Variants in GULP1 observed in about 807,000 individuals in gnomAD.
GULP1 encodes the protein PTB domain-containing engulfment adapter protein 1.
In GULP1, 19 loss-of-function variants were observed where a neutral mutation model predicts 40.9. That is an observed-to-expected ratio of 0.46 (90% CI 0.32 to 0.68). GULP1 has a LOEUF of 0.68. Ranked by LOEUF, GULP1 falls within the 30% of genes least tolerant of loss-of-function variation. The probability of loss-of-function intolerance (pLI) is 0.03; values close to 1 mark genes in which losing one functional copy is unlikely to be tolerated. For synonymous variants in GULP1, 119 were observed against 117.6 expected (o/e 1.01, Z -0.08); for missense variants, 312 against 362.2 (o/e 0.86, Z 1.12).
intron 1 of GULP1, among the ~76,000 whole-genome samples, chr2:188,309,278 C>T (rs1340608653): frequency 6.6e-6 from 1 of 151,936 alleles, no homozygotes; most frequent in Non-Finnish European, 1.5e-5. Context: ...CCAGCCTGGG[C>T]AACATGGTGA....
At chr2:188,464,480 C>T (rs1241394750) in intron 2 of GULP1, among the ~76,000 whole-genome samples, 1 of 152,164 alleles carries the variant, frequency 6.6e-6, no homozygotes, top group Non-Finnish European at 1.5e-5. Flanking sequence ...CTGGTTCTCA[C>T]CTAAGGCCTG....
chr2:188,492,362 A>T (rs1269790600), intron 4 of GULP1, among the ~76,000 whole-genome samples: 3 of 152,122 alleles, frequency 2.0e-5, no homozygotes, highest in Non-Finnish European at 4.4e-5. Context: ...AGGCAGAAAT[A>T]ACCCAGTATA....
chr2:188,452,584 T>C (rs1026529094), intron 2 of GULP1, among the ~76,000 whole-genome samples: 2 of 152,218 alleles, frequency 1.3e-5, no homozygotes, highest in Non-Finnish European at 2.9e-5. Context: ...ATTATAAGCA[T>C]AATAAATACA....
chr2:188,495,291 A>G (rs2062795112), intron 4 of GULP1, among the ~76,000 whole-genome samples: 4 of 152,026 alleles, frequency 2.6e-5, no homozygotes, highest in Admixed American at 2.6e-4. Flanking sequence ...GACTATACCT[A>G]CATATATGCC....
intron 4 of GULP1, among the ~76,000 whole-genome samples, chr2:188,509,516 A>G (rs979698560): frequency 1.3e-5 from 2 of 152,114 alleles, no homozygotes; most frequent in Admixed American, 6.6e-5. Context: ...CAAAAGAACT[A>G]TGCACCACCT....
At chr2:188,304,349 G>A (rs76720444) in intron 1 of GULP1, among the ~76,000 whole-genome samples, 1 of 152,202 alleles carries the variant, frequency 6.6e-6, no homozygotes, top group Non-Finnish European at 1.5e-5. Context: ...TTATACCTAT[G>A]AGTTGACACC....
At chr2:188,530,373 T>G (rs542397810) in intron 6 of GULP1, among the ~76,000 whole-genome samples, 33 of 152,298 alleles carry the variant, frequency 2.2e-4, no homozygotes, top group African/African-American at 7.5e-4. Flanking sequence ...AAATAAAATA[T>G]TTAAAAATAA....
At chr2:188,398,524 G>A (rs1205766656) in intron 2 of GULP1, among the ~76,000 whole-genome samples, 1 of 152,116 alleles carries the variant, frequency 6.6e-6, no homozygotes, top group East Asian at 1.9e-4. Flanking sequence ...TAAAGAGAAA[G>A]AGTTATGTAT....
intron 4 of GULP1, among the ~76,000 whole-genome samples, chr2:188,497,644 T>C (rs1426620171): frequency 6.6e-6 from 1 of 151,964 alleles, no homozygotes; most frequent in Non-Finnish European, 1.5e-5. Flanking sequence ...ATTTTACTAT[T>C]TTTCTTCAGC....
intron 1 of GULP1, among the ~76,000 whole-genome samples, chr2:188,305,530 T>C (rs1327611820): frequency 2.0e-5 from 3 of 152,200 alleles, no homozygotes; most frequent in Non-Finnish European, 4.4e-5. Flanking sequence ...ATTAGAGTCC[T>C]GCTTGGGCAG....
intron 2 of GULP1, among the ~76,000 whole-genome samples, chr2:188,418,820 C>A (rs1429769046): frequency 6.6e-6 from 1 of 152,104 alleles, no homozygotes; most frequent in Non-Finnish European, 1.5e-5. Context: ...CAGCAGATAT[C>A]TAAAGTTTAT....
chr2:188,478,894 A>G (rs2061237820), intron 3 of GULP1, among the ~76,000 whole-genome samples: 1 of 152,110 alleles, frequency 6.6e-6, no homozygotes, highest in South Asian at 2.1e-4. Context: ...TTACAGTGTT[A>G]ACTGACACAT....
At chr2:188,566,860 A>C (rs1576159997) in intron 7 of GULP1, among the ~76,000 whole-genome samples, 2 of 151,618 alleles carry the variant, frequency 1.3e-5, no homozygotes. Flanking sequence ...GAAGGGAAGC[A>C]ACCTATAATT....
At chr2:188,447,741 G>C (rs375766469) in intron 2 of GULP1, among the ~76,000 whole-genome samples, 1 of 152,146 alleles carries the variant, frequency 6.6e-6, no homozygotes, top group Non-Finnish European at 1.5e-5. Context: ...GTGCCAAATA[G>C]ATAGTATATC....
At chr2:188,400,745 G>T (rs2052125881) in intron 2 of GULP1, among the ~76,000 whole-genome samples, 1 of 152,184 alleles carries the variant, frequency 6.6e-6, no homozygotes, top group African/African-American at 2.4e-5. Flanking sequence ...AGGACATGCT[G>T]TTGGGAATGA....
intron 2 of GULP1, among the ~76,000 whole-genome samples, chr2:188,409,640 A>G (rs1334813802): frequency 6.6e-6 from 1 of 152,130 alleles, no homozygotes; most frequent in Non-Finnish European, 1.5e-5. Context: ...CCAAAGCCAG[A>G]CAAAGTCACT....
chr2:188,447,637 T>A (rs1444025280), intron 2 of GULP1, among the ~76,000 whole-genome samples: 1 of 152,150 alleles, frequency 6.6e-6, no homozygotes, highest in African/African-American at 2.4e-5. Context: ...CCAGATGCAA[T>A]CATGTTGAAT....
At chr2:188,529,272 A>C in intron 6 of GULP1, 77 bp downstream of exon 6, 1 of 748,812 alleles carries the variant, frequency 1.3e-6, no homozygotes, top group South Asian at 1.8e-5. Flanking sequence ...AATATTTAAA[A>C]TTTTTTGCCA....
chr2:188,430,633 T>C (rs1304000789), intron 2 of GULP1, among the ~76,000 whole-genome samples: 2 of 152,218 alleles, frequency 1.3e-5, no homozygotes, highest in African/African-American at 2.4e-5. Context: ...ATAAAAGTTT[T>C]TGGCCTTCTG....
Sources: allele counts gnomAD v4.1 joint callset (sites outside exome capture counted in the v4.1 genomes callset), GRCh38; gene constraint gnomAD v4.1.1; transcripts MANE v1.5; gene names NCBI Gene and HGNC (gene_info 2026-07-23, HGNC 2026-07-21).